PSD3: variants seen among roughly 807,000 people sequenced by gnomAD.
PSD3 encodes PH and SEC7 domain-containing protein 3.
A neutral mutation model predicts 105.5 loss-of-function variants in PSD3; 49 were observed. The ratio of observed to expected loss-of-function variants is 0.46; its 90% CI spans 0.37 to 0.59. The LOEUF (loss-of-function observed/expected upper bound fraction) is 0.59. Ranked by LOEUF, PSD3 falls within the 20% of genes least tolerant of loss-of-function variation. The probability of loss-of-function intolerance (pLI) is 0.00; values close to 1 mark genes in which losing one functional copy is unlikely to be tolerated. For missense variants in PSD3, 1,561 were observed against 1,263.8 expected (o/e 1.24, Z -3.57); for synonymous variants, 557 against 457.8 (o/e 1.22, Z -2.77).
chr8:18,620,696 C>A (rs1270620306), intron 11 of PSD3, among the ~76,000 whole-genome samples: 1 of 152,020 alleles, frequency 6.6e-6, no homozygotes, highest in Non-Finnish European at 1.5e-5. Context: ...GGTGAGTGAG[C>A]AAGGACCTGT....
chr8:19,074,342 G>C (rs1829375690), intron 1 of PSD3, among the ~76,000 whole-genome samples: 1 of 152,036 alleles, frequency 6.6e-6, no homozygotes, highest in Non-Finnish European at 1.5e-5. Context: ...AAATCTTCCA[G>C]GATGAGGGGA....
At chr8:18,895,020 A>G (rs1819049204) in intron 2 of PSD3, among the ~76,000 whole-genome samples, 1 of 152,198 alleles carries the variant, frequency 6.6e-6, no homozygotes, top group South Asian at 2.1e-4. Context: ...TTACATATCT[A>G]CATTATCTCA....
chr8:19,080,090 A>C (rs1829594523), intron 1 of PSD3, among the ~76,000 whole-genome samples: 1 of 152,136 alleles, frequency 6.6e-6, no homozygotes, highest in African/African-American at 2.4e-5. Flanking sequence ...GGGTTTCACC[A>C]TGTTGGCAGG....
intron 9 of PSD3, among the ~76,000 whole-genome samples, chr8:18,667,806 C>T (rs1038376685): frequency 1.1e-4 from 17 of 152,194 alleles, no homozygotes; most frequent in Admixed American, 2.6e-4. Context: ...TGGCGGGCTG[C>T]AGAGCCTCCG....
chr8:18,929,562 A>C (rs1353150931), intron 2 of PSD3, among the ~76,000 whole-genome samples: 1 of 151,854 alleles, frequency 6.6e-6, no homozygotes, highest in Non-Finnish European at 1.5e-5. Flanking sequence ...CATACACCCC[A>C]CCTCGTAGAA....
chr8:18,999,206 G>A (rs546669441), intron 1 of PSD3, among the ~76,000 whole-genome samples: 2 of 151,968 alleles, frequency 1.3e-5, no homozygotes, highest in African/African-American at 4.8e-5. Context: ...GTTTGCTTTT[G>A]TTTCTGAAGT....
intron 8 of PSD3, among the ~76,000 whole-genome samples, chr8:18,773,122 G>A (rs766136845): frequency 8.5e-5 from 13 of 152,148 alleles, no homozygotes; most frequent in South Asian, 2.1e-4. Flanking sequence ...TTTCCCCTAT[G>A]TTTTTTCTCA....
chr8:18,776,050 ATTC>A (rs1364693131), intron 8 of PSD3, among the ~76,000 whole-genome samples: 5 of 151,956 alleles, frequency 3.3e-5, no homozygotes, highest in Admixed American at 1.3e-4. Context: ...GTCTAGTTTG[ATTC>A]TTCTTCATAA....
intron 12 of PSD3, among the ~76,000 whole-genome samples, chr8:18,577,577 A>C (rs991054083): frequency 7.3e-5 from 11 of 150,690 alleles, no homozygotes; most frequent in Non-Finnish European, 7.4e-5. Context: ...CATCTTCCTT[A>C]TAACTATGTG....
rs3988318 is a variant in PSD3 at position 18,970,194 on chromosome 8, G to A, written c.22-34052C>T. Among the ~76,000 whole-genome samples the A allele has an allele frequency of 7.1e-3, 1,076 of 150,862 alleles. 13 individuals carry two copies. The highest frequency in any genetic ancestry group is 0.01 in the Non-Finnish European group (694 of 67,672). On this transcript the variant is annotated intron_variant, in intron 1 of 15. Coordinates refer to ENST00000327040, the MANE Select transcript of PSD3 (RefSeq NM_015310.4). ...CAAAAAATTAGCCGGGCGTGGTGGC[G>A]GGCACCTGTAGTCCCAGCTACTCAG...
chr8:18,564,357 G>C (rs540393198), intron 14 of PSD3, among the ~76,000 whole-genome samples: 3 of 152,206 alleles, frequency 2.0e-5, no homozygotes, highest in Non-Finnish European at 2.9e-5. Context: ...GGCCAGGCAC[G>C]GTGGCTCACG....
intron 8 of PSD3, chr8:18,799,059 A>G (rs1034979397): frequency 8.6e-6 from 4 of 465,660 alleles, no homozygotes; most frequent in South Asian, 4.8e-5. Flanking sequence ...CACAGAACAC[A>G]CACATTACTG....
chr8:18,996,777 T>C (rs773088107), intron 1 of PSD3, among the ~76,000 whole-genome samples: 10 of 151,950 alleles, frequency 6.6e-5, no homozygotes, highest in Non-Finnish European at 1.2e-4. Context: ...TTTCCGTTTC[T>C]CTACTTCTGC....
intron 1 of PSD3, among the ~76,000 whole-genome samples, chr8:18,936,973 C>T (rs1822181413): frequency 6.6e-6 from 1 of 152,142 alleles, no homozygotes; most frequent in African/African-American, 2.4e-5. Flanking sequence ...TGCCAGGCAT[C>T]CCATTTATAC....
rs1799486063 is a variant in PSD3, at chr8:18,527,871, G to A, written c.*7872C>T. The A allele has an allele frequency of 6.6e-6, 1 of 152,168 alleles. No individual in the cohort carries two copies. 9.4% of individuals were successfully genotyped at this position (152,168 alleles called of 1,614,324 possible). A position where few individuals can be genotyped will look rare whatever the true frequency, so the allele number is the denominator to read the frequency against. On this transcript the variant is annotated 3_prime_UTR_variant, in exon 16 of 16. Coordinates refer to ENST00000327040, the MANE Select transcript of PSD3 (RefSeq NM_015310.4). ...CAGTTTCGCCATTGAAAAGGAGCAGGCTGCTATTTTGTCACTAATTACTTT... is the reference window on the plus strand; with the variant it reads ...CAGTTTCGCCATTGAAAAGGAGCAGACTGCTATTTTGTCACTAATTACTTT...
At chr8:18,841,014 A>G (rs1266526177) in intron 4 of PSD3, among the ~76,000 whole-genome samples, 2 of 152,214 alleles carry the variant, frequency 1.3e-5, no homozygotes, top group African/African-American at 4.8e-5. Flanking sequence ...GGTTATTAGA[A>G]TATCATGCTC....
intron 12 of PSD3, among the ~76,000 whole-genome samples, chr8:18,586,711 C>T (rs1170146996): frequency 2.6e-5 from 4 of 152,092 alleles, no homozygotes; most frequent in Non-Finnish European, 5.9e-5. Flanking sequence ...GAAGCAGTGG[C>T]CCTGTTTCCT....
chr8:18,805,676 G>C (rs1811137322), intron 4 of PSD3, among the ~76,000 whole-genome samples: 1 of 151,890 alleles, frequency 6.6e-6, no homozygotes, highest in Non-Finnish European at 1.5e-5. Context: ...TCACACATTG[G>C]TTATCTGCAA....
chr8:18,573,276 C>T (rs1293896916), intron 13 of PSD3, among the ~76,000 whole-genome samples: 1 of 152,122 alleles, frequency 6.6e-6, no homozygotes, highest in African/African-American at 2.4e-5. Context: ...TCAAGACCAG[C>T]CTGGCCAACA....
Sources: allele counts gnomAD v4.1 joint callset (sites outside exome capture counted in the v4.1 genomes callset), GRCh38; gene constraint gnomAD v4.1.1; transcripts MANE v1.5; gene names NCBI Gene and HGNC (gene_info 2026-07-23, HGNC 2026-07-21).